Variants in DPP6 observed in about 807,000 individuals in gnomAD.
The protein encoded by DPP6 is dipeptidyl peptidase like 6.
A neutral mutation model predicts 122.6 loss-of-function variants in DPP6; 69 were observed. The ratio of observed to expected loss-of-function variants is 0.56; its 90% CI spans 0.46 to 0.69. The LOEUF is 0.69. Ranked by LOEUF, DPP6 falls within the 30% of genes least tolerant of loss-of-function variation. The pLI, the probability that DPP6 is intolerant of heterozygous loss-of-function variation, is 0.00. For synonymous variants in DPP6, 418 were observed against 433.1 expected (o/e 0.97, Z 0.43); for missense variants, 928 against 1,116.9 (o/e 0.83, Z 2.41).
chr7:154,209,464 T>C (rs188556164), intron 1 of DPP6, among the ~76,000 whole-genome samples: 1 of 152,152 alleles, frequency 6.6e-6, no homozygotes, highest in Non-Finnish European at 1.5e-5. Flanking sequence ...GTTTTAAATC[T>C]AGTTAACTCT....
chr7:154,150,298 C>G (rs1796345360), intron 1 of DPP6, among the ~76,000 whole-genome samples: 1 of 152,160 alleles, frequency 6.6e-6, no homozygotes, highest in Admixed American at 6.5e-5. Flanking sequence ...AGCACTTGGG[C>G]ACCCACCTTG....
In DPP6 at chr7:154,647,367, A is replaced by G. The variant is rs1274181316; in HGVS notation, c.680+9494A>G. On this transcript the variant is annotated intron_variant, in intron 6 of 25. Coordinates refer to ENST00000377770, the MANE Select transcript of DPP6 (RefSeq NM_130797.4). Reference sequence around the variant, plus strand: ...CACTTCTGTCTGAATATGCCAGTAAAGTTTCCTCTCAGGCATTAATTTCCT... The same window carrying G: ...CACTTCTGTCTGAATATGCCAGTAAGGTTTCCTCTCAGGCATTAATTTCCT... Among the ~76,000 whole-genome samples, 3 of 152,220 alleles carry G rather than the reference A, an allele frequency of 2.0e-5. No individual in the cohort carries two copies. The East Asian group carries it at 5.8e-4, about 29-fold the overall frequency.
intron 14 of DPP6, 64 bp from the exon 15 acceptor site, chr7:154,804,853 G>A: frequency 6.4e-7 from 1 of 1,560,124 alleles, no homozygotes; most frequent in Non-Finnish European, 8.7e-7. Context: ...GGTAGTGCCA[G>A]GAATGTGAAG....
intron 1 of DPP6, among the ~76,000 whole-genome samples, chr7:153,982,188 C>T (rs1279093192): frequency 3.3e-5 from 5 of 151,700 alleles, no homozygotes; most frequent in African/African-American, 9.7e-5. Context: ...ACCAATCAAA[C>T]GTATGTTTGG....
At chr7:154,516,379 C>T (rs527739524) in intron 3 of DPP6, among the ~76,000 whole-genome samples, 23 of 152,072 alleles carry the variant, frequency 1.5e-4, no homozygotes, top group Admixed American at 5.2e-4. Context: ...CGCAGGAAGG[C>T]GCTGAGGAAC....
chr7:154,280,983 T>TTTTTTTTA (rs576966547), intron 1 of DPP6, among the ~76,000 whole-genome samples: 11 of 143,052 alleles, frequency 7.7e-5, no homozygotes, highest in African/African-American at 1.9e-4. Context: ...TTATTTCTTA[T>TTTTTTTTA]TTTATTTATT....
chr7:154,436,278 G>T (rs1373036069), intron 1 of DPP6, among the ~76,000 whole-genome samples: 1 of 151,196 alleles, frequency 6.6e-6, no homozygotes, highest in Non-Finnish European at 1.5e-5. Flanking sequence ...CATGCACCAG[G>T]TTACAACCGC....
intron 10 of DPP6, among the ~76,000 whole-genome samples, chr7:154,777,455 C>A (rs889311324): frequency 6.6e-6 from 1 of 152,088 alleles, no homozygotes; most frequent in Non-Finnish European, 1.5e-5. Context: ...CTGAACCTGA[C>A]CAGGAAAGAA....
intron 1 of DPP6, among the ~76,000 whole-genome samples, chr7:154,163,476 A>G (rs949246726): frequency 4.1e-4 from 63 of 152,378 alleles, no homozygotes; most frequent in Admixed American, 3.9e-3. Context: ...TTAACCAGAT[A>G]GTCGACAATT....
In DPP6 at chr7:154,156,518, A is replaced by C. The variant is rs1796688962; in HGVS notation, c.243+103455A>C. 2.0e-5 allele frequency among the ~76,000 whole-genome samples: 3 copies of C among 152,332 alleles called. 1 individual carries two copies. The highest frequency in any genetic ancestry group is 2.0e-4 in the Admixed American group (3 of 15,306). ...AGTAAGTGGAGTTGATCTTTATTGG[A>C]TATAGCTGGCCCTCTTTGGTAAGAT... On this transcript the variant is annotated intron_variant, in intron 1 of 25. Coordinates refer to ENST00000377770, the MANE Select transcript of DPP6 (RefSeq NM_130797.4).
chr7:154,802,755 T>G (rs1198301601), intron 13 of DPP6, among the ~76,000 whole-genome samples: 2 of 150,990 alleles, frequency 1.3e-5, no homozygotes, highest in South Asian at 2.1e-4. Flanking sequence ...GAGAATTGCT[T>G]GAACCCGGGA....
At chr7:153,819,077 C>CTTTTTTTTT in the DPP6 span, among the ~76,000 whole-genome samples, 29 of 99,856 alleles carry the variant, frequency 2.9e-4, no homozygotes, top group South Asian at 6.7e-4. Context: ...CTTTTCTTTT[C>CTTTTTTTTT]TTTTTTTTTT....
At chr7:154,797,358 T>C (rs1269635509) in intron 12 of DPP6, among the ~76,000 whole-genome samples, 1 of 151,890 alleles carries the variant, frequency 6.6e-6, no homozygotes, top group Non-Finnish European at 1.5e-5. Context: ...TACATATGTA[T>C]GTGTGTGTGT....
chr7:154,103,697 G>A (rs1805929215), intron 1 of DPP6, among the ~76,000 whole-genome samples: 1 of 152,256 alleles, frequency 6.6e-6, no homozygotes, highest in South Asian at 2.1e-4. Context: ...GGCTGCCAGT[G>A]CAGGCAGAAC....
At chr7:153,921,005 G>A (rs943670923) in intron 1 of DPP6, among the ~76,000 whole-genome samples, 1 of 152,244 alleles carries the variant, frequency 6.6e-6, no homozygotes, top group Non-Finnish European at 1.5e-5. Flanking sequence ...AAGTTCTGTG[G>A]GAGGTTGTAT....
intron 6 of DPP6, among the ~76,000 whole-genome samples, chr7:154,668,868 C>T (rs543296128): frequency 6.6e-6 from 1 of 152,208 alleles, no homozygotes; most frequent in East Asian, 1.9e-4. Flanking sequence ...TATCCCCTTC[C>T]TCCCTCTCTC....
chr7:154,219,728 G>C (rs1339886565), intron 1 of DPP6, among the ~76,000 whole-genome samples: 1 of 152,120 alleles, frequency 6.6e-6, no homozygotes, highest in Non-Finnish European at 1.5e-5. Context: ...TGGGATTACA[G>C]GTGCCTGCCA....
intron 5 of DPP6, among the ~76,000 whole-genome samples, chr7:154,598,185 G>A (rs10267037): frequency 0.59 from 90,434 of 152,128 alleles, 27,240 homozygotes; most frequent in East Asian, 0.69. Context: ...TCAGGACCAA[G>A]TTACAGGCCA....
chr7:154,668,210 TATATATATAA>T (rs1465889719), intron 6 of DPP6, among the ~76,000 whole-genome samples: 5 of 102,468 alleles, frequency 4.9e-5, no homozygotes, highest in Non-Finnish European at 1.1e-4. Context: ...TATATATATA[TATATATATAA>T]TATACACATT....
Sources: allele counts gnomAD v4.1 joint callset (sites outside exome capture counted in the v4.1 genomes callset), GRCh38; gene constraint gnomAD v4.1.1; transcripts MANE v1.5; gene names NCBI Gene and HGNC (gene_info 2026-07-23, HGNC 2026-07-21).